MRPL33: variants seen among roughly 807,000 people sequenced by gnomAD.
MRPL33 encodes large ribosomal subunit protein bL33m.
In MRPL33, 5 loss-of-function variants were observed where a neutral mutation model predicts 10.1. The ratio of observed to expected loss-of-function variants is 0.49; its 90% CI spans 0.26 to 1.04. MRPL33 has a LOEUF of 1.04. Among genes scored for constraint, MRPL33 ranks in the 50% least tolerant of loss-of-function variants. MRPL33 has a pLI of 0.14. For synonymous variants in MRPL33, 24 were observed against 27.7 expected (o/e 0.87, Z 0.42); for missense variants, 79 against 78.1 (o/e 1.01, Z -0.04).
Position 27,771,991 on chromosome 2 carries a change from G to A in MRPL33, c.22+192G>A, listed in dbSNP as rs929509251. ...CGCCTCCCTGCGCGGACCTGTGGGT[G>A]CCTGAGAAGGGGTCTGCGGTGTCTG... On this transcript the variant is annotated intron_variant, in intron 1 of 3. Transcript: ENST00000296102. 1.3e-4 allele frequency: 81 copies of A among 611,008 alleles called. No homozygotes were observed. The Middle Eastern group carries it at 2.7e-3, about 21-fold the overall frequency. 37.8% of individuals were successfully genotyped at this position (611,008 alleles called of 1,614,324 possible).
rs1485977002 is a variant in MRPL33 at position 27,772,685 on chromosome 2, A to G, written c.34A>G (p.Lys12Glu). The G allele has an allele frequency of 1.9e-6, 3 of 1,601,212 alleles. No homozygotes were observed. Among genetic ancestry groups the G allele is most frequent in the Non-Finnish European group, 1.7e-6 (2 of 1,171,300 alleles). ...FLSAVFFAKSKSKNILVRMVS... is the reference protein window; with the variant it reads ...FLSAVFFAKSESKNILVRMVS... ...TGTCTACAAAAAAGTTGCCAAGAGC[A>G]AGTCAAAGTAAGTAAAGATTTTTCC... Residue 12 changes from lysine to glutamate, a missense_variant, in exon 2 of 4, where the codon AAG becomes GAG. Transcript: ENST00000296102.
chr2:27,775,533 GTAGAGA>G (rs1428950082), intron 3 of MRPL33, among the ~76,000 whole-genome samples: 2 of 151,766 alleles, frequency 1.3e-5, no homozygotes, highest in African/African-American at 4.8e-5. Flanking sequence ...TATATTTTTA[GTAGAGA>G]TAGGGTTTCA....
At chr2:27,771,864 C>A in intron 1 of MRPL33, 65 bp downstream of exon 1, 1 of 1,515,550 alleles carries the variant, frequency 6.6e-7, no homozygotes, top group Non-Finnish European at 9.1e-7. Flanking sequence ...ACAGGCAGGG[C>A]CCCGGAATGA....
At chr2:27,773,563 C>T (rs1402721267) in intron 2 of MRPL33, among the ~76,000 whole-genome samples, 1 of 152,238 alleles carries the variant, frequency 6.6e-6, no homozygotes, top group Non-Finnish European at 1.5e-5. Context: ...TGTACCAACT[C>T]ACCTTCCATA....
intron 2 of MRPL33, among the ~76,000 whole-genome samples, chr2:27,773,302 G>C (rs956358207): frequency 1.3e-5 from 2 of 152,182 alleles, no homozygotes; most frequent in Admixed American, 1.3e-4. Flanking sequence ...TGCAACTCAA[G>C]ACATTGAAAA....
chr2:27,772,546 C>A, intron 1 of MRPL33, 128 bp from the exon 2 acceptor site: 1 of 682,178 alleles, frequency 1.5e-6, no homozygotes, highest in South Asian at 2.0e-5. Flanking sequence ...ACTTGAGTGA[C>A]ACCTCATGGC....
chr2:27,771,826 G>C, intron 1 of MRPL33, 27 bp downstream of exon 1: 1 of 1,610,764 alleles, frequency 6.2e-7, no homozygotes, highest in South Asian at 1.1e-5. Context: ...ACGCCGGTAG[G>C]GGTTACGGCG....
At chr2:27,779,104 A>C (rs183963934) in intron 3 of MRPL33, among the ~76,000 whole-genome samples, 148 of 152,234 alleles carry the variant, frequency 9.7e-4, no homozygotes, top group Admixed American at 1.5e-3. Flanking sequence ...CTTACCTCCT[A>C]CAAGAGTGGA....
intron 1 of MRPL33, chr2:27,772,174 T>G: frequency 3.4e-6 from 1 of 292,600 alleles, no homozygotes; most frequent in Non-Finnish European, 6.4e-6. Context: ...GGGCAATGAA[T>G]TGCCTGAGTA....
chr2:27,777,845 C>A (rs541247127), intron 3 of MRPL33, among the ~76,000 whole-genome samples: 241 of 152,206 alleles, frequency 1.6e-3, no homozygotes, highest in Middle Eastern at 6.8e-3. Context: ...AGTGAGACAA[C>A]CCCCCTACCC....
chr2:27,774,106 A>G (rs560221415), intron 2 of MRPL33, among the ~76,000 whole-genome samples: 3 of 152,202 alleles, frequency 2.0e-5, no homozygotes, highest in South Asian at 4.1e-4. Context: ...GTATTTTGAT[A>G]TTTTCCCCTT....
chr2:27,772,801 C>A, intron 2 of MRPL33, 109 bp downstream of exon 2: 1 of 856,348 alleles, frequency 1.2e-6, no homozygotes. Context: ...GCCTTGATTT[C>A]CTAAGAGTTG....
intron 1 of MRPL33, chr2:27,772,073 G>A: frequency 2.2e-6 from 1 of 447,966 alleles, no homozygotes; most frequent in Non-Finnish European, 4.0e-6. Context: ...TTTTTCTCCA[G>A]CCCGTGTTAG....
chr2:27,778,932 G>A (rs1677224112), intron 3 of MRPL33, among the ~76,000 whole-genome samples: 1 of 152,090 alleles, frequency 6.6e-6, no homozygotes, highest in African/African-American at 2.4e-5. Flanking sequence ...ATGAGATTTT[G>A]GTTATGATAT....
intron 1 of MRPL33, 62 bp from the exon 2 acceptor site, chr2:27,772,612 T>TA: frequency 7.5e-7 from 1 of 1,331,042 alleles, no homozygotes; most frequent in Non-Finnish European, 1.0e-6. Flanking sequence ...GAACTTTGCA[T>TA]AAGAAAGAGA....
intron 1 of MRPL33, 185 bp from the exon 2 acceptor site, chr2:27,772,485 ACCTT>A: frequency 1.9e-6 from 1 of 540,180 alleles, no homozygotes; most frequent in Non-Finnish European, 3.2e-6. Flanking sequence ...GGATCTTTTA[ACCTT>A]CCTTCTATAA....
chr2:27,771,906 G>A, intron 1 of MRPL33, 107 bp downstream of exon 1: 1 of 1,186,922 alleles, frequency 8.4e-7, no homozygotes, highest in Non-Finnish European at 1.2e-6. Flanking sequence ...AGGACGGGAA[G>A]CTGCAGCTGC....
chr2:27,778,380 G>A (rs566239847), intron 3 of MRPL33, among the ~76,000 whole-genome samples: 2 of 152,132 alleles, frequency 1.3e-5, no homozygotes, highest in Non-Finnish European at 2.9e-5. Context: ...TTCCTTGGGT[G>A]ATTATTCCAT....
intron 2 of MRPL33, 63 bp downstream of exon 2, chr2:27,772,755 G>A (rs1234462411): frequency 1.5e-6 from 2 of 1,308,220 alleles, no homozygotes; most frequent in Non-Finnish European, 2.2e-6. Flanking sequence ...TAGTCTAGCT[G>A]CTCCCAGTAC....
Sources: gnomAD v4.1 joint callset for allele counts (sites outside exome capture counted in the v4.1 genomes callset) on GRCh38, gnomAD v4.1.1 for gene constraint, MANE v1.5 for transcripts, NCBI Gene and HGNC (gene_info 2026-07-23, HGNC 2026-07-21) for gene names.